Variants in SENP5 observed in about 807,000 individuals in gnomAD.
SENP5 encodes the protein sentrin-specific protease 5.
SENP5 carries 21 observed loss-of-function variants against 74.2 expected under a neutral mutation model. That is an observed-to-expected ratio of 0.28 (90% confidence interval 0.20 to 0.41). SENP5 has a LOEUF of 0.41. Ranked by LOEUF, SENP5 falls within the 10% of genes least tolerant of loss-of-function variation. The pLI, the probability that SENP5 is intolerant of heterozygous loss-of-function variation, is 1.00. For synonymous variants in SENP5, 311 were observed against 312.7 expected (o/e 0.99, Z 0.06); for missense variants, 717 against 889.1 (o/e 0.81, Z 2.46).
At position 196,931,583 on chromosome 3, in the gene SENP5, G is replaced by C. The variant is rs932535146; in HGVS notation, c.*660G>C. On this transcript the variant is annotated 3_prime_UTR_variant, in exon 10 of 10. Coordinates refer to ENST00000323460, the MANE Select transcript of SENP5 (RefSeq NM_152699.5). ...TGGGAGGAGTAAGGTGTGAGAAAAA[G>C]CAACCTTGGAGGCCAGTAACAATGA... The C allele has an allele frequency of 1.1e-4, 27 of 254,762 alleles. No homozygotes were observed. Among genetic ancestry groups the C allele is most frequent in the Non-Finnish European group, 1.9e-4 (25 of 130,450 alleles). The allele number at this position is 254,762 out of a possible 1,614,324, so 15.8% of individuals were successfully genotyped here.
chr3:196,917,422 T>C (rs960669472), intron 6 of SENP5, among the ~76,000 whole-genome samples: 4 of 151,866 alleles, frequency 2.6e-5, no homozygotes, highest in Non-Finnish European at 5.9e-5. Context: ...AACAGAACTT[T>C]CCAAACCCAG....
In SENP5 at chr3:196,932,324, G is replaced by A. The variant is rs1343699456; in HGVS notation, c.*1401G>A. On this transcript the variant is annotated 3_prime_UTR_variant, in exon 10 of 10. Coordinates refer to ENST00000323460, the MANE Select transcript of SENP5 (RefSeq NM_152699.5). Reference sequence around the variant, plus strand: ...AATGGCAGAAGATTCTCGAGTTTATGCCCGCGTAGGTTTGGAGTGTTGAAA... The same window carrying A: ...AATGGCAGAAGATTCTCGAGTTTATACCCGCGTAGGTTTGGAGTGTTGAAA... The A allele has an allele frequency of 6.5e-6, 1 of 153,498 alleles. No homozygotes were observed. Among genetic ancestry groups the A allele is most frequent in the Admixed American group, 6.5e-5 (1 of 15,290 alleles). The allele number at this position is 153,498 out of a possible 1,614,324, so 9.5% of individuals were successfully genotyped here.
intron 2 of SENP5, among the ~76,000 whole-genome samples, chr3:196,893,322 A>G (rs887693517): frequency 1.3e-5 from 2 of 152,242 alleles, no homozygotes; most frequent in Non-Finnish European, 2.9e-5. Context: ...AAAATATACC[A>G]AATTGACTCT....
At position 196,886,390 on chromosome 3, in the gene SENP5, A is replaced by T. The variant is rs1222103645; in HGVS notation, c.1209A>T (p.Thr403=). The part of the protein sequence containing the change: ...EIMTLGQENQ[T]SSVSDDRVKL... ...TGACTCTGGGTCAGGAAAATCAGAC[A>T]AGTTCTGTCAGTGATGACAGAGTAA... Residue 403 remains threonine (T), a synonymous_variant, in exon 2 of 10, where the codon ACA becomes ACT. Transcript: ENST00000323460. 3.1e-6 allele frequency: 5 copies of T among 1,612,822 alleles called. No individual in the cohort carries two copies. The highest frequency in any genetic ancestry group is 1.3e-5 in the African/African-American group (1 of 75,044).
chr3:196,927,636 TAA>T (rs10663759), intron 7 of SENP5, among the ~76,000 whole-genome samples, 158 bp from the exon 8 acceptor site: 52 of 135,934 alleles, frequency 3.8e-4, no homozygotes, highest in Admixed American at 2.9e-4. Flanking sequence ...ATCCTCTCTT[TAA>T]AAAAAAAAAA....
rs781261066 is a variant in SENP5, at chr3:196,914,272, A to G, written c.1885-9142A>G. ...AAGTAATGAGTGTGGCTGTGTTTCA[A>G]TTAAACTTAATAAAAACTGGCAGTG... On this transcript the variant is annotated intron_variant, in intron 6 of 9. Coordinates refer to ENST00000323460, the MANE Select transcript of SENP5 (RefSeq NM_152699.5). 1.1e-4 allele frequency: 16 copies of G among 152,110 alleles called. 1 individual carries two copies. Among genetic ancestry groups the G allele is most frequent in the Non-Finnish European group, 1.0e-4 (7 of 68,024 alleles). The allele number at this position is 152,110 out of a possible 1,614,324, so 9.4% of individuals were successfully genotyped here.
At chr3:196,899,530 G>A (rs189241746) in intron 2 of SENP5, 136 bp from the exon 3 acceptor site, 2 of 471,148 alleles carry the variant, frequency 4.2e-6, no homozygotes, top group Admixed American at 3.6e-5. Context: ...TAAAAATATA[G>A]TATCAATATT....
intron 1 of SENP5, among the ~76,000 whole-genome samples, chr3:196,879,877 G>A (rs1314977539): frequency 3.9e-5 from 6 of 151,958 alleles, no homozygotes; most frequent in Non-Finnish European, 5.9e-5. Context: ...CAAATTTACC[G>A]AAAAAAATTG....
At chr3:196,911,699 A>G (rs765868733) in intron 6 of SENP5, among the ~76,000 whole-genome samples, 1 of 152,026 alleles carries the variant, frequency 6.6e-6, no homozygotes, top group Non-Finnish European at 1.5e-5. Context: ...AATCCCAGCT[A>G]CTCGGGAGGC....
chr3:196,902,468 A>G (rs1714739248), intron 5 of SENP5, among the ~76,000 whole-genome samples: 1 of 152,208 alleles, frequency 6.6e-6, no homozygotes, highest in East Asian at 1.9e-4. Flanking sequence ...CATGGTTATC[A>G]AAAGAATGTG....
intron 6 of SENP5, among the ~76,000 whole-genome samples, chr3:196,913,581 CAAAA>C (rs538948778): frequency 8.2e-6 from 1 of 122,596 alleles, no homozygotes; most frequent in Non-Finnish European, 1.7e-5. Context: ...AAAAAAAAAA[CAAAA>C]AAAACTAGTA....
At chr3:196,883,295 C>A (rs143237648) in intron 1 of SENP5, among the ~76,000 whole-genome samples, 1,610 of 152,068 alleles carry the variant, frequency 0.011, 20 homozygotes, top group African/African-American at 0.031. Context: ...TTGTGACATC[C>A]CCAAATATCA....
At chr3:196,907,727 C>T (rs2108844745) in intron 6 of SENP5, among the ~76,000 whole-genome samples, 1 of 152,196 alleles carries the variant, frequency 6.6e-6, no homozygotes, top group South Asian at 2.1e-4. Context: ...TACACCAACA[C>T]TAACAATAGC....
intron 6 of SENP5, among the ~76,000 whole-genome samples, chr3:196,917,186 T>G (rs1426741308): frequency 6.6e-6 from 1 of 151,814 alleles, no homozygotes; most frequent in African/African-American, 2.4e-5. Context: ...GCTGAAAAAT[T>G]CAGTTGACAA....
chr3:196,899,901 G>T (rs1254501049), intron 3 of SENP5, 23 bp from the exon 4 acceptor site: 8 of 1,606,764 alleles, frequency 5.0e-6, no homozygotes, highest in Middle Eastern at 1.7e-4. Flanking sequence ...TTTACCTTTT[G>T]TTTCAAAATC....
At chr3:196,903,035 C>T (rs1028073566) in intron 5 of SENP5, among the ~76,000 whole-genome samples, 1 of 152,164 alleles carries the variant, frequency 6.6e-6, no homozygotes, top group African/African-American at 2.4e-5. Flanking sequence ...CTGCCCCATT[C>T]CAAAGCTGAC....
chr3:196,883,657 C>G (rs1046593806), intron 1 of SENP5, among the ~76,000 whole-genome samples: 3 of 151,788 alleles, frequency 2.0e-5, no homozygotes, highest in African/African-American at 7.3e-5. Context: ...GCCTCTGCTT[C>G]TGAGCCTTTC....
At chr3:196,877,286 G>T (rs553763665) in intron 1 of SENP5, among the ~76,000 whole-genome samples, 1 of 152,178 alleles carries the variant, frequency 6.6e-6, no homozygotes, top group East Asian at 1.9e-4. Flanking sequence ...TGGTTGAAGC[G>T]ATTCTTCTGC....
chr3:196,909,457 A>C (rs889421787), intron 6 of SENP5, among the ~76,000 whole-genome samples: 10 of 152,114 alleles, frequency 6.6e-5, no homozygotes, highest in African/African-American at 2.4e-4. Context: ...AGAGACACAA[A>C]AAAAGAAAAT....
Sources: gnomAD v4.1 joint callset for allele counts (sites outside exome capture counted in the v4.1 genomes callset) on GRCh38, gnomAD v4.1.1 for gene constraint, MANE v1.5 for transcripts, NCBI Gene and HGNC (gene_info 2026-07-23, HGNC 2026-07-21) for gene names.